CELA3B: variants seen among roughly 807,000 people sequenced by gnomAD.
CELA3B encodes chymotrypsin-like elastase family member 3B.
In CELA3B, 34 loss-of-function variants were observed where a neutral mutation model predicts 37.2. The ratio of observed to expected loss-of-function variants is 0.91; its 90% CI spans 0.70 to 1.22. The LOEUF (loss-of-function observed/expected upper bound fraction) is 1.22. CELA3B is among the 50% of genes most tolerant of loss of function. The pLI is 0.00. For missense variants in CELA3B, 340 were observed against 363.1 expected, an observed-to-expected ratio of 0.94 and a Z score of 0.52; for synonymous variants, 127 against 143.5, an observed-to-expected ratio of 0.89 and a Z score of 0.82.
chr1:21,985,736 A>G (rs1239658430), intron 6 of CELA3B, among the ~76,000 whole-genome samples: 1 of 151,958 alleles, frequency 6.6e-6, no homozygotes. Context: ...CTAAAAATAC[A>G]AAAAATTAGC....
intron 7 of CELA3B, among the ~76,000 whole-genome samples, chr1:21,988,295 A>AT (rs1189179908): frequency 1.9e-5 from 2 of 106,672 alleles, no homozygotes; most frequent in Non-Finnish European, 2.6e-5. Context: ...CCATGTTAAA[A>AT]AAATATATAT....
At chr1:21,988,368 G>T (rs549050392) in intron 7 of CELA3B, among the ~76,000 whole-genome samples, 27 of 151,406 alleles carry the variant, frequency 1.8e-4, no homozygotes, top group Admixed American at 1.8e-3. Context: ...GAGGCAGGCA[G>T]ATCATAAGGT....
intron 2 of CELA3B, among the ~76,000 whole-genome samples, chr1:21,979,369 G>A (rs1002971627): frequency 2.0e-5 from 3 of 151,798 alleles, no homozygotes; most frequent in Admixed American, 6.6e-5. Flanking sequence ...ACTGCACCCA[G>A]CTGAAATTTA....
chr1:21,992,952 A>T (rs1569854539), downstream of CELA3B, among the ~76,000 whole-genome samples: 1 of 147,326 alleles, frequency 6.8e-6, no homozygotes, highest in Non-Finnish European at 1.5e-5. Flanking sequence ...TGGGTGACAG[A>T]TTGAGACCTT....
chr1:21,984,226 G>C lies in CELA3B; in HGVS notation c.537G>C (p.Leu179=), dbSNP rs1273743908. The C allele has an allele frequency of 1.2e-6, 2 of 1,614,024 alleles. No individual in the cohort carries two copies. The highest frequency in any genetic ancestry group is 3.3e-5 in the Admixed American group (2 of 59,996). The stretch of plus-strand genomic sequence containing the variant: ...TCCCAGACAAGCTGCAGGAGGCCCT[G>C]CTGCCGGTGGTGGACTATGAACACT... ...GPLPDKLQEA[L]LPVVDYEHCS... is the part of the protein sequence containing the mutation. The change falls in exon 6 of 8, where the codon CTG becomes CTC. Residue 179 remains leucine (L), a synonymous_variant. Transcript: ENST00000337107.
At chr1:21,997,690 CAA>C (rs35751810) in intron 4 of CELA3B, among the ~76,000 whole-genome samples, 70 of 131,884 alleles carry the variant, frequency 5.3e-4, no homozygotes, top group Admixed American at 6.8e-4. Flanking sequence ...ACTTCGTCTC[CAA>C]AAAAAAAAAA....
downstream of CELA3B, among the ~76,000 whole-genome samples, chr1:21,992,274 TC>T (rs1286687447): frequency 1.4e-4 from 22 of 151,772 alleles, no homozygotes; most frequent in Middle Eastern, 3.4e-3. Context: ...GTGCCTATAG[TC>T]CCCGCTACTC....
At chr1:21,986,862 G>A (rs1644841539) in intron 7 of CELA3B, 179 bp downstream of exon 7, 1 of 689,256 alleles carries the variant, frequency 1.5e-6, no homozygotes, top group Non-Finnish European at 2.4e-6. Flanking sequence ...GTGACCCCAG[G>A]AACTTGATGG....
At chr1:21,978,865 T>C (rs992047687) in intron 2 of CELA3B, among the ~76,000 whole-genome samples, 1 of 151,634 alleles carries the variant, frequency 6.6e-6, no homozygotes, top group African/African-American at 2.4e-5. Flanking sequence ...AGGCTGGACT[T>C]GATGTGCTGT....
Position 21,983,692 on chromosome 1 carries a change from A to C in CELA3B, c.363-2A>C. The C allele has an allele frequency of 3.1e-6, 5 of 1,613,656 alleles. No individual in the cohort carries two copies. Among genetic ancestry groups the C allele is most frequent in the Non-Finnish European group, 4.2e-6 (5 of 1,179,750 alleles). ...GCCCCGTGACTGTTCCCTCCTCCCCAGCAATGACATCGCCCTCATCAAGCT... is the reference window on the plus strand; with the variant it reads ...GCCCCGTGACTGTTCCCTCCTCCCCCGCAATGACATCGCCCTCATCAAGCT... On this transcript the variant is annotated splice_acceptor_variant, in intron 4 of 7. Coordinates refer to ENST00000337107, the MANE Select transcript of CELA3B (RefSeq NM_007352.4). LOFTEE classifies it high-confidence loss of function.
intron 1 of CELA3B, 143 bp downstream of exon 1, chr1:21,977,225 T>G (rs1644777794): frequency 1.2e-5 from 16 of 1,280,490 alleles, no homozygotes. Flanking sequence ...GGCATGACTG[T>G]GGGGGCTTTC....
rs199652584 is a variant in CELA3B at position 21,981,049 on chromosome 1, C to A, written c.239C>A (p.Thr80Asn). The part of the protein sequence containing the change: ...TAGHCISSSR[T>N]YQVVLGEYDR... The stretch of plus-strand genomic sequence containing the variant: ...ACCTCCGCCCGCAGGAGCTCCCGGA[C>A]CTACCAGGTGGTGTTGGGCGAGTAC... Residue 80 changes from threonine (T) to asparagine (N), a missense_variant, in exon 4 of 8, where the codon ACC becomes AAC. By Grantham distance (65) the Thr-to-Asn change is moderately conservative. Transcript: ENST00000337107. 6 of 1,614,104 alleles carry A rather than the reference C, an allele frequency of 3.7e-6. No individual in the cohort carries two copies. The East Asian group carries it at 1.3e-4, about 36-fold the overall frequency.
At chr1:21,986,415 G>C in intron 6 of CELA3B, 116 bp from the exon 7 acceptor site, 3 of 1,331,318 alleles carry the variant, frequency 2.3e-6, no homozygotes, top group Non-Finnish European at 3.1e-6. Flanking sequence ...AAATGAGCGA[G>C]CTAAGGCTCA....
At chr1:21,996,785 G>A (rs1281910060) in intron 4 of CELA3B, among the ~76,000 whole-genome samples, 6 of 150,830 alleles carry the variant, frequency 4.0e-5, no homozygotes, top group Admixed American at 6.6e-5. Flanking sequence ...CAGCCGGGAT[G>A]ATGCCTTCCC....
At chr1:21,989,601 G>A (rs969146140), downstream of CELA3B, among the ~76,000 whole-genome samples, 1 of 148,788 alleles carries the variant, frequency 6.7e-6, no homozygotes, top group Non-Finnish European at 1.5e-5. Context: ...AATGGGACAA[G>A]TTGGTCGCCT....
In CELA3B at chr1:21,984,213, T is replaced by A. The variant is rs746846814; in HGVS notation, c.524T>A (p.Leu175Gln). The change falls in exon 6 of 8, where the codon CTG becomes CAG. Residue 175 changes from leucine to glutamine, a missense_variant. Coordinates refer to ENST00000337107, the MANE Select transcript of CELA3B (RefSeq NM_007352.4). ...LYTNGPLPDK[L>Q]QEALLPVVDY... ...GCCAACGGGCCACTCCCAGACAAGC[T>A]GCAGGAGGCCCTGCTGCCGGTGGTG... 4 of 1,614,054 alleles carry A rather than the reference T, an allele frequency of 2.5e-6. No homozygotes were observed. The South Asian group carries it at 3.3e-5, about 13-fold the overall frequency.
In CELA3B at chr1:21,981,036, A is replaced by C; in HGVS notation, c.228-2A>C. On this transcript the variant is annotated splice_acceptor_variant, in intron 3 of 7. Transcript: ENST00000337107. LOFTEE classifies it high-confidence loss of function. ...CCAGACTGACCTCACCTCCGCCCGC[A>C]GGAGCTCCCGGACCTACCAGGTGGT... is the stretch of plus-strand genomic sequence containing the variant. 6.2e-7 allele frequency: 1 copy of C among 1,614,060 alleles called. No homozygotes were observed. Among genetic ancestry groups the C allele is most frequent in the Non-Finnish European group, 8.5e-7 (1 of 1,179,974 alleles).
At chr1:21,984,143 G>T in intron 5 of CELA3B, 46 bp from the exon 6 acceptor site, 1 of 1,591,970 alleles carries the variant, frequency 6.3e-7, no homozygotes, top group Non-Finnish European at 8.6e-7. Flanking sequence ...GGGGCTCCTA[G>T]CCCTGTGCCC....
chr1:21,983,286 C>T (rs1223033434), intron 4 of CELA3B, among the ~76,000 whole-genome samples: 2 of 151,920 alleles, frequency 1.3e-5, no homozygotes, highest in Non-Finnish European at 2.9e-5. Context: ...ACCCAGGAGG[C>T]AGAGGTTGCA....
Sources: allele counts gnomAD v4.1 joint callset (sites outside exome capture counted in the v4.1 genomes callset), GRCh38; gene constraint gnomAD v4.1.1; transcripts MANE v1.5; gene names NCBI Gene and HGNC (gene_info 2026-07-23, HGNC 2026-07-21).